The following CAST variants were observed in gnomAD, a reference collection of about 807,000 sequenced individuals.
CAST encodes the protein calpastatin.
CAST carries 76 observed loss-of-function variants against 119.6 expected under a neutral mutation model. The observed-to-expected ratio is 0.64, with a 90% CI of 0.53 to 0.77. The LOEUF (loss-of-function observed/expected upper bound fraction) is 0.77. CAST is among the 30% of genes least tolerant of loss of function. The pLI is 0.00. For missense variants in CAST, 953 were observed against 946.5 expected (o/e 1.01, Z -0.09); for synonymous variants, 319 against 331.6 (o/e 0.96, Z 0.41).
At chr5:96,097,329 C>CTT in the CAST span, among the ~76,000 whole-genome samples, 38 of 137,362 alleles carry the variant, frequency 2.8e-4, no homozygotes, top group Non-Finnish European at 3.8e-4. Context: ...AGCTCAAAGT[C>CTT]TTTTTTTTTT....
At chr5:96,707,671 G>A (rs1307896932) in intron 3 of CAST, among the ~76,000 whole-genome samples, 1 of 152,114 alleles carries the variant, frequency 6.6e-6, no homozygotes, top group African/African-American at 2.4e-5. Flanking sequence ...TAAACCAACT[G>A]ATGTTCATGG....
the CAST span, among the ~76,000 whole-genome samples, chr5:96,129,446 A>C: frequency 6.6e-6 from 1 of 152,104 alleles, no homozygotes; most frequent in South Asian, 2.1e-4. Flanking sequence ...CAGGAAGCTC[A>C]GATTCTCTGG....
the CAST span, among the ~76,000 whole-genome samples, chr5:96,231,770 A>C: frequency 1.3e-5 from 2 of 151,818 alleles, no homozygotes; most frequent in African/African-American, 4.9e-5. Context: ...AGAAATAAAA[A>C]CATAAAAAGG....
chr5:96,360,268 T>C, the CAST span, among the ~76,000 whole-genome samples: 2 of 152,044 alleles, frequency 1.3e-5, no homozygotes, highest in East Asian at 3.9e-4. Flanking sequence ...CCTCCTTGCA[T>C]TGGGTTAGAA....
the CAST span, among the ~76,000 whole-genome samples, chr5:96,484,743 A>G: frequency 4.0e-4 from 42 of 104,302 alleles, no homozygotes; most frequent in Admixed American, 3.6e-3. Context: ...AGCTCATAAC[A>G]TCATGGTAGA....
chr5:96,293,389 T>C, the CAST span, among the ~76,000 whole-genome samples: 1 of 152,150 alleles, frequency 6.6e-6, no homozygotes, highest in East Asian at 1.9e-4. Flanking sequence ...GTGATTCTCC[T>C]GTCTCAGCCT....
At chr5:96,211,778 G>A in the CAST span, among the ~76,000 whole-genome samples, 2 of 152,024 alleles carry the variant, frequency 1.3e-5, no homozygotes, top group South Asian at 4.1e-4. Context: ...AATTTATTTT[G>A]GGAGAACTTT....
At chr5:96,190,868 C>A in the CAST span, among the ~76,000 whole-genome samples, 3 of 152,104 alleles carry the variant, frequency 2.0e-5, no homozygotes, top group Non-Finnish European at 2.9e-5. Context: ...GTTTTTCAAC[C>A]CTTGTCCCTT....
At chr5:96,706,241 CTT>C (rs1176306031) in intron 3 of CAST, among the ~76,000 whole-genome samples, 1 of 152,096 alleles carries the variant, frequency 6.6e-6, no homozygotes, top group African/African-American at 2.4e-5. Flanking sequence ...TTTAATATCT[CTT>C]TGTGCTTTGG....
At chr5:96,380,023 A>T in the CAST span, among the ~76,000 whole-genome samples, 16 of 152,192 alleles carry the variant, frequency 1.1e-4, no homozygotes, top group African/African-American at 3.6e-4. Context: ...CTTGCCTAAA[A>T]GGAACAATAT....
intron 9 of CAST, among the ~76,000 whole-genome samples, chr5:96,733,983 G>A (rs896210828): frequency 6.6e-6 from 1 of 152,168 alleles, no homozygotes; most frequent in African/African-American, 2.4e-5. Context: ...AATGTACCTG[G>A]GGCTGTATTT....
At chr5:95,965,831 G>A in the CAST span, among the ~76,000 whole-genome samples, 2 of 152,148 alleles carry the variant, frequency 1.3e-5, no homozygotes, top group Non-Finnish European at 2.9e-5. Context: ...TATAGTTAGG[G>A]CATAGATTTT....
chr5:96,579,711 T>C (rs1746737981), intron 1 of CAST, among the ~76,000 whole-genome samples: 6 of 152,200 alleles, frequency 3.9e-5, no homozygotes, highest in Admixed American at 3.9e-4. Flanking sequence ...ATCTCTTGAG[T>C]AATTTCAAGG....
chr5:96,622,786 TAC>T (rs1285483818), intron 1 of CAST, among the ~76,000 whole-genome samples: 1 of 152,036 alleles, frequency 6.6e-6, no homozygotes, highest in Admixed American at 6.5e-5. Context: ...AGATTCTATT[TAC>T]AGTTTCTTAC....
At chr5:96,600,292 A>T (rs1327581354) in intron 1 of CAST, among the ~76,000 whole-genome samples, 1 of 152,204 alleles carries the variant, frequency 6.6e-6, no homozygotes, top group Non-Finnish European at 1.5e-5. Flanking sequence ...ATTGCACCAC[A>T]TGGTCCTCCT....
the CAST span, among the ~76,000 whole-genome samples, chr5:96,491,812 C>T: frequency 6.6e-6 from 1 of 152,186 alleles, no homozygotes; most frequent in African/African-American, 2.4e-5. Flanking sequence ...TACAATGGTG[C>T]ACTATATGCA....
chr5:96,645,108 G>A (rs544546191), intron 1 of CAST, among the ~76,000 whole-genome samples: 2 of 152,064 alleles, frequency 1.3e-5, no homozygotes, highest in African/African-American at 4.8e-5. Flanking sequence ...TGTCCCCTTC[G>A]ACTCCTCTGG....
the CAST span, among the ~76,000 whole-genome samples, chr5:96,297,496 T>C: frequency 2.6e-5 from 4 of 152,134 alleles, no homozygotes; most frequent in African/African-American, 9.7e-5. Flanking sequence ...CCTTCCCTCA[T>C]CCCAACCTAG....
At chr5:96,620,462 C>T (rs1004453848) in intron 1 of CAST, among the ~76,000 whole-genome samples, 2 of 152,088 alleles carry the variant, frequency 1.3e-5, no homozygotes, top group African/African-American at 4.8e-5. Context: ...CAGTGAGTTG[C>T]AGCTCCGAAT....
Sources: allele counts gnomAD v4.1 joint callset (sites outside exome capture counted in the v4.1 genomes callset), GRCh38; gene constraint gnomAD v4.1.1; transcripts MANE v1.5; gene names NCBI Gene and HGNC (gene_info 2026-07-23, HGNC 2026-07-21).